SF3B1: variants seen among roughly 807,000 people sequenced by gnomAD.
The protein encoded by SF3B1 is pre-mRNA processing 10.
In SF3B1, 12 loss-of-function variants were observed where a neutral mutation model predicts 153.8. That is an observed-to-expected ratio of 0.08 (90% CI 0.05 to 0.13). The LOEUF (loss-of-function observed/expected upper bound fraction) is 0.13. SF3B1 is among the 10% of genes least tolerant of loss of function. SF3B1 has a pLI of 1.00. For missense variants in SF3B1, 513 were observed against 1,606.1 expected, an observed-to-expected ratio of 0.32 and a Z score of 11.63; for synonymous variants, 498 against 525.2, an observed-to-expected ratio of 0.95 and a Z score of 0.71.
At chr2:197,403,790 T>C in intron 11 of SF3B1, 26 bp from the exon 12 acceptor site, 5 of 1,523,884 alleles carry the variant, frequency 3.3e-6, no homozygotes, top group Non-Finnish European at 4.4e-6. Flanking sequence ...GAGTAATAGG[T>C]GTGGTTTCTT....
chr2:197,395,506 C>T (rs1274103220), intron 23 of SF3B1, among the ~76,000 whole-genome samples: 1 of 152,196 alleles, frequency 6.6e-6, no homozygotes, highest in East Asian at 1.9e-4. Flanking sequence ...TCAGTTACTT[C>T]TGTGTTTAAG....
rs898614584 is a variant in SF3B1, at chr2:197,411,514, C to CA, written c.667-1508dup. ...TGGTGAAACCCCGTCTCTACTAATA[C>CA]AAAAAAAATCAGCCAGGCGTTGTAG... On this transcript the variant is annotated intron_variant, in intron 6 of 24. Coordinates refer to ENST00000335508, the MANE Select transcript of SF3B1 (RefSeq NM_012433.4). Among the ~76,000 whole-genome samples the CA allele has an allele frequency of 7.9e-5, 12 of 150,952 alleles. No homozygotes were observed. In the East Asian group the frequency reaches 2.0e-3, roughly 25 times the overall value.
At chr2:197,417,338 CAT>C (rs2085162934) in intron 5 of SF3B1, among the ~76,000 whole-genome samples, 1 of 151,936 alleles carries the variant, frequency 6.6e-6, no homozygotes, top group Admixed American at 6.6e-5. Flanking sequence ...TGTAAATATG[CAT>C]AGTGATAATG....
chr2:197,393,107 C>T lies in SF3B1; in HGVS notation c.3621G>A (p.Ser1207=), dbSNP rs758849759. The T allele has an allele frequency of 4.3e-6, 7 of 1,613,646 alleles. No individual in the cohort carries two copies. The highest frequency in any genetic ancestry group is 4.0e-5 in the African/African-American group (3 of 74,914). The change falls in exon 24 of 25, where the codon TCG becomes TCA. Residue 1207 remains serine, a synonymous_variant. Coordinates refer to ENST00000335508, the MANE Select transcript of SF3B1 (RefSeq NM_012433.4). Reference sequence around the variant, plus strand: ...ATACATAGTTCAACAAGTGATTCAGCGAATCTTCACAACCAAATCCATAAA... The same window carrying T: ...ATACATAGTTCAACAAGTGATTCAGTGAATCTTCACAACCAAATCCATAAA... ...LGVYGFGCED[S]LNHLLNYVWP...
chr2:197,430,936 A>C (rs931095016), intron 1 of SF3B1, among the ~76,000 whole-genome samples: 1 of 152,064 alleles, frequency 6.6e-6, no homozygotes, highest in Non-Finnish European at 1.5e-5. Context: ...CTGGGATTAC[A>C]TGCGTGAGCA....
At chr2:197,408,254 TA>T in intron 8 of SF3B1, 114 bp downstream of exon 8, 1 of 1,260,272 alleles carries the variant, frequency 7.9e-7, no homozygotes, top group Non-Finnish European at 1.1e-6. Flanking sequence ...CTTAAATTTG[TA>T]TATCTCCTTA....
At position 197,398,466 on chromosome 2, in the gene SF3B1, A is replaced by C. The variant is rs1210756800; in HGVS notation, c.3129T>G (p.Ala1043=). The change falls in exon 21 of 25, where the codon GCT becomes GCG. Residue 1043 remains alanine (A), a synonymous_variant. Transcript: ENST00000335508. The part of the protein sequence containing the change: ...ENCIDLVGRI[A]DRGAEYVSAR... ...TGTGTGGGTAATCTGCTTACCTGTC[A>C]GCAATACGACCAACAAGATCAATAC... 1 of 1,613,644 alleles carries C rather than the reference A, an allele frequency of 6.2e-7. No homozygotes were observed. Among genetic ancestry groups the C allele is most frequent in the Non-Finnish European group, 8.5e-7 (1 of 1,179,814 alleles).
rs1341724243 is a variant in SF3B1, at chr2:197,396,387, A to G, written c.3267-59T>C. 4.3e-6 allele frequency: 6 copies of G among 1,392,980 alleles called. No homozygotes were observed. In the Admixed American group the frequency reaches 1.3e-4, roughly 30 times the overall value. The allele number at this position is 1,392,980 out of a possible 1,614,324, so 86.3% of individuals were successfully genotyped here. ...ATTATAAGTCAAAAATTTATGGAAG[A>G]AAAAAATGCATAAAGATGAAAACTT... On this transcript the variant is annotated intron_variant, in intron 22 of 24. Transcript: ENST00000335508.
At chr2:197,429,032 A>G (rs2085383265) in intron 1 of SF3B1, among the ~76,000 whole-genome samples, 3 of 152,194 alleles carry the variant, frequency 2.0e-5, no homozygotes, top group Admixed American at 2.0e-4. Context: ...TACCAAAATG[A>G]GTAACCAGAG....
At chr2:197,415,187 T>C (rs945053574) in intron 6 of SF3B1, among the ~76,000 whole-genome samples, 2 of 149,522 alleles carry the variant, frequency 1.3e-5, no homozygotes, top group African/African-American at 2.5e-5. Flanking sequence ...AAAAAATTAA[T>C]GGTACATGAT....
At chr2:197,410,428 A>T (rs933255433) in intron 6 of SF3B1, among the ~76,000 whole-genome samples, 1 of 152,178 alleles carries the variant, frequency 6.6e-6, no homozygotes, top group Non-Finnish European at 1.5e-5. Flanking sequence ...TGTTCTAAGA[A>T]AATAGTCCTG....
At chr2:197,428,636 G>A (rs1163600707) in intron 1 of SF3B1, among the ~76,000 whole-genome samples, 1 of 152,220 alleles carries the variant, frequency 6.6e-6, no homozygotes, top group East Asian at 1.9e-4. Flanking sequence ...GCTCACGCCT[G>A]TAATCCCAGC....
intron 1 of SF3B1, among the ~76,000 whole-genome samples, chr2:197,430,569 T>C (rs2085412573): frequency 6.6e-6 from 1 of 152,178 alleles, no homozygotes; most frequent in Non-Finnish European, 1.5e-5. Context: ...TTCTCCTGCC[T>C]GAGGCTCCCA....
At chr2:197,435,069 G>GA (rs2106031467), upstream of SF3B1, 1 of 1,612,542 alleles carries the variant, frequency 6.2e-7, no homozygotes, top group South Asian at 1.1e-5. Context: ...CCGCCACGGA[G>GA]AAAAATAGCT....
At chr2:197,434,925 T>C in intron 1 of SF3B1, 47 bp downstream of exon 1, 1 of 1,584,532 alleles carries the variant, frequency 6.3e-7, no homozygotes, top group Non-Finnish European at 8.7e-7. Context: ...AAGGCTTTTA[T>C]TAGGCTAGCA....
chr2:197,401,553 A>C lies in SF3B1; in HGVS notation c.2371-28T>G. The stretch of plus-strand genomic sequence containing the variant: ...AAAAGGTTAAGAAATAGTAATAATA[A>C]ATCAACTGACCTGAAATGAAGAGAA... On this transcript the variant is annotated intron_variant, in intron 16 of 24. Transcript: ENST00000335508. This position sits in a 1 kb window ranked among gnomAD's most constrained non-coding sequence, Gnocchi z 4.2. 1 of 1,599,156 alleles carries C rather than the reference A, an allele frequency of 6.3e-7. No homozygotes were observed. Among genetic ancestry groups the C allele is most frequent in the Non-Finnish European group, 8.5e-7 (1 of 1,171,736 alleles).
rs767511439 is a variant in SF3B1, at chr2:197,401,969, T to C, written c.2223+16A>G. Reference sequence around the variant, plus strand: ...ACTTTAATGAAGATAAATCAAAAGGTAATTGGTGGATTTACCTTTCCTCTG... The same window carrying C: ...ACTTTAATGAAGATAAATCAAAAGGCAATTGGTGGATTTACCTTTCCTCTG... On this transcript the variant is annotated intron_variant, in intron 15 of 24. Transcript: ENST00000335508. This position sits in a 1 kb window ranked among gnomAD's most constrained non-coding sequence, Gnocchi z 4.2. 2.5e-6 allele frequency: 4 copies of C among 1,608,572 alleles called. No homozygotes were observed. The African/African-American group carries it at 5.4e-5, about 22-fold the overall frequency.
intron 23 of SF3B1, among the ~76,000 whole-genome samples, chr2:197,395,509 TG>T (rs2084866417): frequency 6.6e-6 from 1 of 152,246 alleles, no homozygotes; most frequent in African/African-American, 2.4e-5. Flanking sequence ...GTTACTTCTG[TG>T]TTTAAGGCTG....
intron 2 of SF3B1, among the ~76,000 whole-genome samples, chr2:197,423,224 T>C (rs929342344): frequency 2.0e-5 from 3 of 151,430 alleles, no homozygotes; most frequent in African/African-American, 7.3e-5. Flanking sequence ...CCATCTCTAC[T>C]AAAAATACAA....
Sources: gnomAD v4.1 joint callset for allele counts (sites outside exome capture counted in the v4.1 genomes callset) on GRCh38, gnomAD v4.1.1 for gene constraint, Gnocchi (gnomAD v3.1) non-coding constraint, MANE v1.5 for transcripts, NCBI Gene and HGNC (gene_info 2026-07-23, HGNC 2026-07-21) for gene names.